The following SPATA16 variants were observed in gnomAD, a reference collection of about 807,000 sequenced individuals.
SPATA16 encodes spermatogenesis-associated protein 16.
Under a neutral mutation model 63.3 loss-of-function variants are expected in SPATA16, and 36 were observed. The ratio of observed to expected loss-of-function variants is 0.57; its 90% CI spans 0.44 to 0.75. The LOEUF is 0.75. Among genes scored for constraint, SPATA16 ranks in the 30% least tolerant of loss-of-function variants. The probability of loss-of-function intolerance (pLI) is 0.00; values close to 1 mark genes in which losing one functional copy is unlikely to be tolerated. For synonymous variants in SPATA16, 203 were observed against 216.7 expected, an observed-to-expected ratio of 0.94 and a Z score of 0.56; for missense variants, 646 against 679.3, an observed-to-expected ratio of 0.95 and a Z score of 0.54.
intron 4 of SPATA16, among the ~76,000 whole-genome samples, chr3:173,019,223 A>G (rs1735261517): frequency 6.6e-6 from 1 of 152,190 alleles, no homozygotes; most frequent in Non-Finnish European, 1.5e-5. Context: ...GCGCATTTCT[A>G]TTACTTTATG....
chr3:173,030,057 ACTATCTATCTATCTATCTAT>A (rs71785029), intron 3 of SPATA16, among the ~76,000 whole-genome samples: 172 of 149,210 alleles, frequency 1.2e-3, no homozygotes, highest in Admixed American at 6.2e-3. Context: ...TGGTTACTTT[ACTATCTATCTATCTATCTAT>A]CTATCTATCT....
chr3:173,013,900 A>G (rs1316944041), intron 4 of SPATA16, among the ~76,000 whole-genome samples: 1 of 152,242 alleles, frequency 6.6e-6, no homozygotes, highest in Non-Finnish European at 1.5e-5. Flanking sequence ...TCCAGAGCAC[A>G]TTAGATAGTA....
At chr3:173,124,332 G>T (rs1008151161) in intron 1 of SPATA16, among the ~76,000 whole-genome samples, 49 of 152,148 alleles carry the variant, frequency 3.2e-4, no homozygotes, top group African/African-American at 1.1e-3. Context: ...GGGAATGATC[G>T]GATACATGAG....
chr3:172,928,576 T>C (rs1005527648), intron 6 of SPATA16, among the ~76,000 whole-genome samples: 6 of 152,194 alleles, frequency 3.9e-5, no homozygotes, highest in Non-Finnish European at 7.3e-5. Context: ...AGACTTTGAA[T>C]GGTTTACCTC....
At chr3:172,970,205 G>A (rs1474756480) in intron 5 of SPATA16, among the ~76,000 whole-genome samples, 1 of 152,130 alleles carries the variant, frequency 6.6e-6, no homozygotes, top group Non-Finnish European at 1.5e-5. Context: ...CCTGCTCCGT[G>A]ATGCCTATTT....
intron 2 of SPATA16, among the ~76,000 whole-genome samples, chr3:173,085,493 A>C (rs1165559275): frequency 6.6e-6 from 1 of 152,118 alleles, no homozygotes; most frequent in Non-Finnish European, 1.5e-5. Context: ...TCCTATTTAA[A>C]TATGCTTTAT....
At chr3:173,077,085 G>A (rs1736825304) in intron 2 of SPATA16, among the ~76,000 whole-genome samples, 1 of 152,080 alleles carries the variant, frequency 6.6e-6, no homozygotes, top group Non-Finnish European at 1.5e-5. Context: ...CCATATTGTG[G>A]GTAATAAAAC....
intron 2 of SPATA16, among the ~76,000 whole-genome samples, chr3:173,108,634 A>G (rs1737675216): frequency 6.6e-6 from 1 of 152,244 alleles, no homozygotes; most frequent in Admixed American, 6.5e-5. Flanking sequence ...GATTGTAATT[A>G]TAAAGTCATA....
chr3:172,954,283 AG>A (rs1460781186), intron 6 of SPATA16, among the ~76,000 whole-genome samples: 1 of 152,208 alleles, frequency 6.6e-6, no homozygotes, highest in Non-Finnish European at 1.5e-5. Context: ...GAACTTGTGC[AG>A]GGGAACTCCC....
chr3:172,996,300 C>T (rs1302878839), intron 4 of SPATA16, among the ~76,000 whole-genome samples: 1 of 151,908 alleles, frequency 6.6e-6, no homozygotes. Flanking sequence ...GGCCAGTTGC[C>T]CAAGGTGGTA....
intron 1 of SPATA16, among the ~76,000 whole-genome samples, chr3:173,125,703 GTATT>G (rs1738208815): frequency 6.6e-6 from 1 of 152,176 alleles, no homozygotes; most frequent in Non-Finnish European, 1.5e-5. Flanking sequence ...AGTTGTGTAT[GTATT>G]TTACGTCTCT....
intron 4 of SPATA16, among the ~76,000 whole-genome samples, chr3:173,000,458 C>T (rs1186146634): frequency 6.6e-6 from 1 of 152,084 alleles, no homozygotes; most frequent in East Asian, 1.9e-4. Context: ...TTTTGCTCCT[C>T]TATAATTAAA....
intron 2 of SPATA16, among the ~76,000 whole-genome samples, chr3:173,074,143 C>A (rs1441978780): frequency 6.6e-6 from 1 of 152,202 alleles, no homozygotes; most frequent in African/African-American, 2.4e-5. Context: ...AACTAACTTG[C>A]TTTTGATTTT....
At position 173,029,413 on chromosome 3, in the gene SPATA16, T is replaced by G. The variant is rs557309785; in HGVS notation, c.759-9838A>C. ...GCAATAACAGTAATCAGAGTTTTTT[T>G]TTTGTTTGTTTGTTTTGTTGTTGTT... On this transcript the variant is annotated intron_variant, in intron 3 of 10. Transcript: ENST00000351008. Among the ~76,000 whole-genome samples the G allele has an allele frequency of 1.8e-3, 272 of 147,652 alleles. 1 individual carries two copies. The highest frequency in any genetic ancestry group is 6.9e-3 in the Middle Eastern group (2 of 290).
intron 4 of SPATA16, among the ~76,000 whole-genome samples, chr3:173,014,974 T>A (rs574719376): frequency 6.6e-6 from 1 of 152,336 alleles, no homozygotes; most frequent in East Asian, 1.9e-4. Context: ...CTGGGCTTTA[T>A]AAGCATTTGA....
chr3:172,978,295 A>G (rs1438505796), intron 4 of SPATA16, among the ~76,000 whole-genome samples: 2 of 152,196 alleles, frequency 1.3e-5, no homozygotes, highest in African/African-American at 2.4e-5. Flanking sequence ...GATAAGGTAA[A>G]GAGAGGTAGG....
intron 2 of SPATA16, among the ~76,000 whole-genome samples, chr3:173,068,273 A>G (rs1388643825): frequency 6.6e-6 from 1 of 152,238 alleles, no homozygotes; most frequent in Non-Finnish European, 1.5e-5. Flanking sequence ...ATCAAAAATA[A>G]TAACTACAAC....
intron 2 of SPATA16, among the ~76,000 whole-genome samples, chr3:173,112,490 C>T (rs924668313): frequency 6.6e-6 from 1 of 152,188 alleles, no homozygotes; most frequent in African/African-American, 2.4e-5. Flanking sequence ...CCCGACTCCA[C>T]CACCTCTAGC....
rs111853774 is a variant in SPATA16, at chr3:173,105,303, T to C, written c.612+11817A>G. The stretch of plus-strand genomic sequence containing the variant: ...TTAAACTAGAGGGTGTTCAGACCCA[T>C]TCTTGAGAAAGGAGGCTTCCTGGTT... On this transcript the variant is annotated intron_variant, in intron 2 of 10. Coordinates refer to ENST00000351008, the MANE Select transcript of SPATA16 (RefSeq NM_031955.6). Among the ~76,000 whole-genome samples the C allele has an allele frequency of 5.2e-3, 793 of 152,304 alleles. 4 individuals carry two copies. Among genetic ancestry groups the C allele is most frequent in the African/African-American group, 0.017 (720 of 41,574 alleles).
Sources: gnomAD v4.1 joint callset for allele counts (sites outside exome capture counted in the v4.1 genomes callset) on GRCh38, gnomAD v4.1.1 for gene constraint, MANE v1.5 for transcripts, NCBI Gene and HGNC (gene_info 2026-07-23, HGNC 2026-07-21) for gene names.